Variants in LPXN observed in about 807,000 individuals in gnomAD.
The protein encoded by LPXN is leupaxin.
A neutral mutation model predicts 45.6 loss-of-function variants in LPXN; 28 were observed. The ratio of observed to expected loss-of-function variants is 0.61; its 90% CI spans 0.45 to 0.84. The LOEUF (loss-of-function observed/expected upper bound fraction) is 0.84, where lower values mean the gene tolerates loss of function less well. LPXN is among the 40% of genes least tolerant of loss of function. The probability of loss-of-function intolerance (pLI) is 0.00; values close to 1 mark genes in which losing one functional copy is unlikely to be tolerated. For synonymous variants in LPXN, 166 were observed against 169.9 expected (o/e 0.98, Z 0.18); for missense variants, 459 against 475.0 (o/e 0.97, Z 0.31).
chr11:58,574,359 T>C (rs1854809745), intron 1 of LPXN, among the ~76,000 whole-genome samples: 1 of 152,214 alleles, frequency 6.6e-6, no homozygotes, highest in African/African-American at 2.4e-5. Context: ...GTGTCAGGTG[T>C]TCCCGACAGT....
chr11:58,575,572 AC>A (rs1590596507), intron 1 of LPXN, among the ~76,000 whole-genome samples, 187 bp downstream of exon 1: 1 of 152,186 alleles, frequency 6.6e-6, no homozygotes, highest in African/African-American at 2.4e-5. Context: ...CAAACAGTGA[AC>A]CCATAGTTCC....
chr11:58,551,113 T>TGTGGCAATGCCAGG lies in LPXN; in HGVS notation c.437_438insCCTGGCATTGCCAC (p.Val147LeufsTer22). ...AGGATGCACAATGGCCCTTGGGCAC[T>TGTGGCAATGCCAGG]GTGGCAATGCCAAGGTCCTGCAATT... On this transcript the variant is annotated frameshift_variant, in exon 5 of 9. Coordinates refer to ENST00000395074, the MANE Select transcript of LPXN (RefSeq NM_004811.3). LOFTEE classifies it high-confidence loss of function. The TGTGGCAATGCCAGG allele has an allele frequency of 6.2e-7, 1 of 1,607,436 alleles. No individual in the cohort carries two copies. The highest frequency in any genetic ancestry group is 8.5e-7 in the Non-Finnish European group (1 of 1,176,970).
chr11:58,564,094 G>C (rs896986022), intron 3 of LPXN, 61 bp downstream of exon 3: 7 of 1,035,912 alleles, frequency 6.8e-6, no homozygotes, highest in Admixed American at 4.3e-5. Context: ...CCCAAACAAA[G>C]ATTGATAACA....
intron 7 of LPXN, among the ~76,000 whole-genome samples, chr11:58,534,845 C>T (rs879135889): frequency 1.3e-5 from 2 of 152,178 alleles, no homozygotes; most frequent in Non-Finnish European, 2.9e-5. Flanking sequence ...GTTATCACTA[C>T]TGATCCCACA....
Position 58,532,887 on chromosome 11 carries a change from T to C in LPXN, c.743-4696A>G, listed in dbSNP as rs188225698. On this transcript the variant is annotated intron_variant, in intron 7 of 8. Transcript: ENST00000395074. The stretch of plus-strand genomic sequence containing the variant: ...ATCTTGCTGCTGCTCACTCTTTGGG[T>C]CCGCACTGCCTTTATGAGCTGTAAC... Among the ~76,000 whole-genome samples, 486 of 152,290 alleles carry C rather than the reference T, an allele frequency of 3.2e-3. 2 individuals carry two copies. Among genetic ancestry groups the C allele is most frequent in the African/African-American group, 0.011 (469 of 41,572 alleles).
Position 58,573,809 on chromosome 11 carries a change from T to C in LPXN, c.13+1951A>G, listed in dbSNP as rs745749419. 3.4e-4 allele frequency among the ~76,000 whole-genome samples: 51 copies of C among 152,144 alleles called. 1 individual carries two copies. Among genetic ancestry groups the C allele is most frequent in the Admixed American group, 1.9e-3 (29 of 15,280 alleles). On this transcript the variant is annotated intron_variant, in intron 1 of 8. Transcript: ENST00000395074. Reference sequence around the variant, plus strand: ...CTGTGGAGATGAAATAATATCAATATTAACATGAAAGGAGTAAAGTGAGGT... The same window carrying C: ...CTGTGGAGATGAAATAATATCAATACTAACATGAAAGGAGTAAAGTGAGGT...
chr11:58,549,983 G>C lies in LPXN; in HGVS notation c.650C>G (p.Pro217Arg). 1 of 1,614,156 alleles carries C rather than the reference G, an allele frequency of 6.2e-7. No homozygotes were observed. The highest frequency in any genetic ancestry group is 8.5e-7 in the Non-Finnish European group (1 of 1,179,958). ...CGGGGATTTACTTACATCCAGGATG[G>C]GAGCAGCGCAGTAAGCACAGCGTGG... ...FSPRCAYCAA[P>R]ILDKVLTAMN... Residue 217 changes from proline to arginine, a missense_variant, in exon 6 of 9, where the codon CCC (proline) becomes CGC (arginine). By Grantham distance (103) the Pro-to-Arg change is moderately radical (BLOSUM62 -2). Coordinates refer to ENST00000395074, the MANE Select transcript of LPXN (RefSeq NM_004811.3).
At chr11:58,535,048 A>T (rs1425086359) in intron 7 of LPXN, among the ~76,000 whole-genome samples, 1 of 152,208 alleles carries the variant, frequency 6.6e-6, no homozygotes, top group African/African-American at 2.4e-5. Context: ...ACCAAAAAAA[A>T]GTCCGGGACC....
intron 7 of LPXN, among the ~76,000 whole-genome samples, chr11:58,533,550 C>T (rs1853459888): frequency 6.6e-6 from 1 of 152,204 alleles, no homozygotes; most frequent in Non-Finnish European, 1.5e-5. Context: ...ATAACTGGTA[C>T]CAGTCACTGC....
intron 7 of LPXN, among the ~76,000 whole-genome samples, chr11:58,546,615 T>C (rs1853882479): frequency 6.6e-6 from 1 of 152,156 alleles, no homozygotes; most frequent in African/African-American, 2.4e-5. Context: ...CTCAACAAAA[T>C]GGCCAGAGTA....
At chr11:58,571,392 T>C (rs1176297103) in intron 1 of LPXN, among the ~76,000 whole-genome samples, 1 of 151,214 alleles carries the variant, frequency 6.6e-6, no homozygotes, top group South Asian at 2.1e-4. Flanking sequence ...TCCTAAATGC[T>C]TTTTTCTATC....
At chr11:58,569,449 C>T (rs1448469463) in intron 2 of LPXN, among the ~76,000 whole-genome samples, 2 of 151,810 alleles carry the variant, frequency 1.3e-5, no homozygotes, top group African/African-American at 2.4e-5. Flanking sequence ...GATGGAGTGG[C>T]GCAATCATAG....
At chr11:58,548,992 G>A (rs74680153) in intron 7 of LPXN, among the ~76,000 whole-genome samples, 4,026 of 152,200 alleles carry the variant, frequency 0.026, 181 homozygotes, top group African/African-American at 0.092. Context: ...AGGAGTGAGT[G>A]GGGTAATAAT....
chr11:58,577,433 T>C (rs777454728), upstream of LPXN, among the ~76,000 whole-genome samples: 6 of 152,234 alleles, frequency 3.9e-5, no homozygotes, highest in Non-Finnish European at 5.9e-5. Context: ...GAATGATTAA[T>C]GTGAAATTTA....
At chr11:58,552,943 A>G (rs1854093256) in intron 4 of LPXN, among the ~76,000 whole-genome samples, 1 of 152,232 alleles carries the variant, frequency 6.6e-6, no homozygotes, top group South Asian at 2.1e-4. Context: ...CCGGTGGGGC[A>G]GAACTGGATG....
chr11:58,560,151 C>T (rs1444581978), intron 3 of LPXN, among the ~76,000 whole-genome samples: 1 of 152,136 alleles, frequency 6.6e-6, no homozygotes, highest in Non-Finnish European at 1.5e-5. Flanking sequence ...AAACAAAACA[C>T]AGGTCATCTA....
intron 2 of LPXN, among the ~76,000 whole-genome samples, chr11:58,565,911 T>C (rs1334427776): frequency 1.3e-5 from 2 of 151,934 alleles, no homozygotes; most frequent in Middle Eastern, 3.2e-3. Flanking sequence ...GACAGGAGAA[T>C]TGCTTGAACC....
chr11:58,569,235 T>C (rs990009814), intron 2 of LPXN, among the ~76,000 whole-genome samples: 2 of 152,236 alleles, frequency 1.3e-5, no homozygotes, highest in African/African-American at 4.8e-5. Context: ...ACTTAATTCA[T>C]CTTACACTAA....
chr11:58,539,347 T>C lies in LPXN; in HGVS notation c.742+10439A>G, dbSNP rs1295100978. 4.6e-5 allele frequency among the ~76,000 whole-genome samples: 7 copies of C among 152,282 alleles called. No individual in the cohort carries two copies. In the East Asian group the frequency reaches 1.4e-3, roughly 29 times the overall value. Reference sequence around the variant, plus strand: ...AAACCTTAAAAAGTAGATCTGAAGCTCTGTCCACTGAAAAACCTAGAAGAA... The same window carrying C: ...AAACCTTAAAAAGTAGATCTGAAGCCCTGTCCACTGAAAAACCTAGAAGAA... On this transcript the variant is annotated intron_variant, in intron 7 of 8. Coordinates refer to ENST00000395074, the MANE Select transcript of LPXN (RefSeq NM_004811.3).
Sources: allele counts gnomAD v4.1 joint callset (sites outside exome capture counted in the v4.1 genomes callset), GRCh38; gene constraint gnomAD v4.1.1; transcripts MANE v1.5; gene names NCBI Gene and HGNC (gene_info 2026-07-23, HGNC 2026-07-21).